The following TLR10 variants were observed in gnomAD, a reference collection of about 807,000 sequenced individuals.
TLR10 encodes the protein toll like receptor 10, also known as toll-like receptor 10.
For missense variants in TLR10, 929 were observed against 932.9 expected (o/e 1.00, Z 0.05); for synonymous variants, 288 against 338.8 (o/e 0.85, Z 1.65).
intron 1 of TLR10, among the ~76,000 whole-genome samples, chr4:38,782,619 A>G (rs1725479002): frequency 1.3e-5 from 2 of 152,172 alleles, no homozygotes. Context: ...GGGAAATAAG[A>G]GCTAGAAAAA....
chr4:38,774,932 G>C lies in TLR10; in HGVS notation c.659C>G (p.Thr220Arg). Residue 220 changes from threonine (T) to arginine (R), a missense_variant, in exon 4 of 4, where the codon ACA becomes AGA. By Grantham distance (71) the Thr-to-Arg change is moderately conservative. Coordinates refer to ENST00000308973, the MANE Select transcript of TLR10 (RefSeq NM_030956.4). ...AAATTGGCTTTTGCCATCTATATTTGTCATTTCTAATATTTTTGAAGTCTT... is the reference window on the plus strand; with the variant it reads ...AAATTGGCTTTTGCCATCTATATTTCTCATTTCTAATATTTTTGAAGTCTT... Reference protein sequence around the residue: ...GIKTSKILEMTNIDGKSQFVS... With the variant: ...GIKTSKILEMRNIDGKSQFVS... 1 of 1,612,370 alleles carries C rather than the reference G, an allele frequency of 6.2e-7. No homozygotes were observed. The highest frequency in any genetic ancestry group is 8.5e-7 in the Non-Finnish European group (1 of 1,179,572).
chr4:38,782,179 C>T (rs183850264), intron 1 of TLR10, among the ~76,000 whole-genome samples: 1 of 152,186 alleles, frequency 6.6e-6, no homozygotes, highest in African/African-American at 2.4e-5. Context: ...TCACCCCATG[C>T]CCCTGTCTAT....
intron 1 of TLR10, among the ~76,000 whole-genome samples, chr4:38,778,583 A>T (rs1029104463): frequency 6.6e-6 from 1 of 152,156 alleles, no homozygotes; most frequent in Admixed American, 6.5e-5. Flanking sequence ...ATGGAAGTGG[A>T]GAGAAGTGGT....
At chr4:38,778,112 T>C (rs1292465186) in intron 1 of TLR10, among the ~76,000 whole-genome samples, 1 of 152,168 alleles carries the variant, frequency 6.6e-6, no homozygotes, top group Non-Finnish European at 1.5e-5. Context: ...TGGAATACTA[T>C]GCAGCCATAA....
At chr4:38,781,420 C>T (rs1725404492) in intron 1 of TLR10, among the ~76,000 whole-genome samples, 1 of 151,968 alleles carries the variant, frequency 6.6e-6, no homozygotes, top group Non-Finnish European at 1.5e-5. Flanking sequence ...CTGCAAGCTC[C>T]ACCTCCCAGG....
Position 38,774,660 on chromosome 4 carries a change from C to A in TLR10, c.931G>T (p.Val311Leu). 6.4e-7 allele frequency: 1 copy of A among 1,564,020 alleles called. No individual in the cohort carries two copies. The highest frequency in any genetic ancestry group is 8.6e-7 in the Non-Finnish European group (1 of 1,160,716). Residue 311 changes from valine (V) to leucine (L), a missense_variant, in exon 4 of 4, where the codon GTG (valine) becomes TTG (leucine). Coordinates refer to ENST00000308973, the MANE Select transcript of TLR10 (RefSeq NM_030956.4). The stretch of plus-strand genomic sequence containing the variant: ...ATTTTATCCTGTTGAATGTAAAACA[C>A]TCTGAAATGTACATGCTCCAATTTT... ...TIKLEHVHFR[V>L]FYIQQDKIYL...
chr4:38,775,642 A>T lies in TLR10; in HGVS notation c.-52T>A. 6.8e-7 allele frequency: 1 copy of T among 1,474,836 alleles called. No individual in the cohort carries two copies. Among genetic ancestry groups the T allele is most frequent in the Non-Finnish European group, 9.1e-7 (1 of 1,100,050 alleles). 91.4% of individuals were successfully genotyped at this position (1,474,836 alleles called of 1,614,324 possible). On this transcript the variant is annotated 5_prime_UTR_variant, in exon 4 of 4. Transcript: ENST00000308973. ...TTTCCTCATATGAATGATGAAGATG[A>T]GCTCAAAACCCTAAAAAAAAGTATA...
Position 38,774,417 on chromosome 4 carries a change from A to G in TLR10, c.1174T>C (p.Cys392Arg), listed in dbSNP as rs1275952626. The change falls in exon 4 of 4, where the codon TGC becomes CGC. Residue 392 changes from cysteine (C) to arginine (R), a missense_variant. By Grantham distance (180) the Cys-to-Arg change is radical (BLOSUM62 -3). Coordinates refer to ENST00000308973, the MANE Select transcript of TLR10 (RefSeq NM_030956.4). ...TCCAAGGGTGTGTTGTTAGCAAAGC[A>G]ACTTACTAAAGAAAGTGTCTCCAGT... The part of the protein sequence containing the change: ...NKLETLSLVS[C>R]FANNTPLEHL... 6.2e-7 allele frequency: 1 copy of G among 1,613,228 alleles called. No individual in the cohort carries two copies. Among genetic ancestry groups the G allele is most frequent in the Non-Finnish European group, 8.5e-7 (1 of 1,179,794 alleles).
chr4:38,775,287 C>T lies in TLR10; in HGVS notation c.304G>A (p.Asp102Asn), dbSNP rs1309778787. Reference protein sequence around the residue: ...FEFNKELRYLDLSNNRLKSVT... With the variant: ...FEFNKELRYLNLSNNRLKSVT... Reference sequence around the variant, plus strand: ...CTCTTCAGTCTGTTATTAGACAAATCTAAATATCTTAACTCCTTGTTGAAT... The same window carrying T: ...CTCTTCAGTCTGTTATTAGACAAATTTAAATATCTTAACTCCTTGTTGAAT... The change falls in exon 4 of 4, where the codon GAT becomes AAT. Residue 102 changes from aspartate to asparagine, a missense_variant. Physicochemically the swap from Asp to Asn is conservative, Grantham distance 23. Transcript: ENST00000308973. 13 of 1,613,952 alleles carry T rather than the reference C, an allele frequency of 8.1e-6. No homozygotes were observed. The highest frequency in any genetic ancestry group is 1.0e-5 in the Non-Finnish European group (12 of 1,180,008).
In TLR10 at chr4:38,774,145, A is replaced by G. The variant is rs781545936; in HGVS notation, c.1446T>C (p.Pro482=). 2.5e-6 allele frequency: 4 copies of G among 1,610,940 alleles called. No homozygotes were observed. In the South Asian group the frequency reaches 4.4e-5, roughly 18 times the overall value. The change falls in exon 4 of 4, where the codon CCT becomes CCC. Residue 482 remains proline, a synonymous_variant. Transcript: ENST00000308973. ...AAAGTCTACTGAAATGACTGCATCC[A>G]GGGAGATCAGTTAGAAAATTAAATG... is the stretch of plus-strand genomic sequence containing the variant. The part of the protein sequence containing the change: ...NIAFNFLTDL[P]GCSHFSRLSV...
intron 1 of TLR10, among the ~76,000 whole-genome samples, chr4:38,781,223 C>T (rs1400821565): frequency 6.6e-6 from 1 of 152,190 alleles, no homozygotes; most frequent in African/African-American, 2.4e-5. Context: ...CAAGGCTGCT[C>T]TTAAACTCCT....
rs1288496503 is a variant in TLR10 at position 38,773,907 on chromosome 4, T to C, written c.1684A>G (p.Thr562Ala). ...TCEYPLNLRGTRLKDVHLHEL... is the reference protein window; with the variant it reads ...TCEYPLNLRGARLKDVHLHEL... ...TGGAGATGAACGTCTTTTAACCTAG[T>C]TCCCCTTAGGTTTAAAGGGTATTCA... The change falls in exon 4 of 4, where the codon ACT (threonine) becomes GCT (alanine). Residue 562 changes from threonine (T) to alanine (A), a missense_variant. Coordinates refer to ENST00000308973, the MANE Select transcript of TLR10 (RefSeq NM_030956.4). 5.7e-6 allele frequency: 9 copies of C among 1,592,098 alleles called. No individual in the cohort carries two copies. The highest frequency in any genetic ancestry group is 7.7e-6 in the Non-Finnish European group (9 of 1,169,720).
chr4:38,773,540 C>G lies in TLR10; in HGVS notation c.2051G>C (p.Ser684Thr). The G allele has an allele frequency of 6.2e-7, 1 of 1,610,460 alleles. No individual in the cohort carries two copies. Among genetic ancestry groups the G allele is most frequent in the Non-Finnish European group, 8.5e-7 (1 of 1,178,534 alleles). ...GGACTTATAGCTTTTCTCAATGAAG[C>G]TTACAATATTTTCACTAATGCTTTT... ...PGKSISENIVSFIEKSYKSIF... is the reference protein window; with the variant it reads ...PGKSISENIVTFIEKSYKSIF... The change falls in exon 4 of 4, where the codon AGC becomes ACC. Residue 684 changes from serine (S) to threonine (T), a missense_variant. Ser to Thr is a moderately conservative substitution (Grantham distance 58). Coordinates refer to ENST00000308973, the MANE Select transcript of TLR10 (RefSeq NM_030956.4).
intron 1 of TLR10, among the ~76,000 whole-genome samples, chr4:38,782,555 A>G (rs1725475575): frequency 6.6e-6 from 1 of 152,230 alleles, no homozygotes; most frequent in Non-Finnish European, 1.5e-5. Flanking sequence ...AGGAGCAACA[A>G]ATATGCCTTA....
At chr4:38,779,916 T>C (rs1210666504) in intron 1 of TLR10, among the ~76,000 whole-genome samples, 1 of 152,238 alleles carries the variant, frequency 6.6e-6, no homozygotes, top group Non-Finnish European at 1.5e-5. Context: ...TGTAGCATAG[T>C]GCTTGACACA....
At chr4:38,778,429 AAAATAAAT>A (rs140633479) in intron 1 of TLR10, among the ~76,000 whole-genome samples, 29 of 149,134 alleles carry the variant, frequency 1.9e-4, no homozygotes, top group Non-Finnish European at 1.3e-4. Context: ...CTTACAGTAT[AAAATAAAT>A]AAATAAATAA....
rs1579180114 is a variant in TLR10 at position 38,777,239 on chromosome 4, G to A, written c.-568-813C>T. ...CCTCCCTGATAGTGATCTTCATGCA[G>A]AAATCTAAAGGGGCCAAAGAAGCAA... is the stretch of plus-strand genomic sequence containing the variant. On this transcript the variant is annotated intron_variant, in intron 1 of 3. Transcript: ENST00000308973. 2.6e-5 allele frequency among the ~76,000 whole-genome samples: 4 copies of A among 152,290 alleles called. No homozygotes were observed. The South Asian group carries it at 8.3e-4, about 32-fold the overall frequency.
In TLR10 at chr4:38,776,308, C is replaced by A; in HGVS notation, c.-450G>T. The A allele has an allele frequency of 4.6e-6, 1 of 215,452 alleles. No individual in the cohort carries two copies. Among genetic ancestry groups the A allele is most frequent in the South Asian group, 8.7e-5 (1 of 11,524 alleles). The allele number at this position is 215,452 out of a possible 1,614,324, so 13.3% of individuals were successfully genotyped here. A position where few individuals can be genotyped will look rare whatever the true frequency, so the allele number is the denominator to read the frequency against. On this transcript the variant is annotated 5_prime_UTR_variant, in exon 2 of 4. Transcript: ENST00000308973. ...TGGTGTTAGTCATTAAAAGAAAGAT[C>A]TAAATGTCTGAAACCTGCCAGTGAA...
In TLR10 at chr4:38,774,682, T is replaced by A. The variant is rs11466652; in HGVS notation, c.909A>T (p.Lys303Asn). The change falls in exon 4 of 4, where the codon AAA (lysine) becomes AAT (asparagine). Residue 303 changes from lysine to asparagine, a missense_variant. Transcript: ENST00000308973. ...DYSNTVMRTI[K>N]LEHVHFRVFY... is the part of the protein sequence containing the mutation. Reference sequence around the variant, plus strand: ...ACACTCTGAAATGTACATGCTCCAATTTTATAGTTCTCATTACAGTATTTG... The same window carrying A: ...ACACTCTGAAATGTACATGCTCCAAATTTATAGTTCTCATTACAGTATTTG... The A allele has an allele frequency of 2.6e-6, 4 of 1,561,746 alleles. No homozygotes were observed. In the South Asian group the frequency reaches 4.9e-5, roughly 19 times the overall value.
Sources: gnomAD v4.1 joint callset for allele counts (sites outside exome capture counted in the v4.1 genomes callset) on GRCh38, gnomAD v4.1.1 for gene constraint, MANE v1.5 for transcripts, NCBI Gene and HGNC (gene_info 2026-07-23, HGNC 2026-07-21) for gene names.